SEPTIN7: variants seen among roughly 807,000 people sequenced by gnomAD.
The protein encoded by SEPTIN7 is septin 7, also known as septin-7.
A neutral mutation model predicts 63.3 loss-of-function variants in SEPTIN7; 10 were observed. The observed-to-expected ratio is 0.16, with a 90% confidence interval of 0.10 to 0.27. The LOEUF (loss-of-function observed/expected upper bound fraction) is 0.27. SEPTIN7 is among the 10% of genes least tolerant of loss of function. The pLI, the probability that SEPTIN7 is intolerant of heterozygous loss-of-function variation, is 1.00. For missense variants in SEPTIN7, 310 were observed against 521.0 expected (o/e 0.59, Z 3.94); for synonymous variants, 131 against 165.3 (o/e 0.79, Z 1.59).
At chr7:35,805,483 C>CT (rs1167004381) in intron 1 of SEPTIN7, among the ~76,000 whole-genome samples, 2 of 152,178 alleles carry the variant, frequency 1.3e-5, no homozygotes, top group Non-Finnish European at 2.9e-5. Flanking sequence ...TTGTGTTTCT[C>CT]TGACATAAAC....
intron 1 of SEPTIN7, chr7:35,802,165 T>C: frequency 4.6e-6 from 1 of 217,828 alleles, no homozygotes; most frequent in Non-Finnish European, 1.0e-5. Context: ...TTCTCAGTTA[T>C]TCTCTTAACG....
intron 1 of SEPTIN7, among the ~76,000 whole-genome samples, chr7:35,823,896 G>T (rs1403128905): frequency 6.6e-6 from 1 of 151,230 alleles, no homozygotes; most frequent in South Asian, 2.1e-4. Flanking sequence ...TTTTATATCT[G>T]GTACTTAGGG....
intron 1 of SEPTIN7, among the ~76,000 whole-genome samples, chr7:35,826,718 A>AT (rs1208829382): frequency 1.3e-5 from 2 of 152,066 alleles, no homozygotes; most frequent in African/African-American, 4.8e-5. Flanking sequence ...CCCTTGATCA[A>AT]TTTTTTGTTA....
rs767703477 is a variant in SEPTIN7, at chr7:35,879,945, GC to G, written c.630+6del. The stretch of plus-strand genomic sequence containing the variant: ...TGCCAACAGTTTAAAAAACAGGTGA[GC>G]AGGATGTGTTAACCCAGGTTTCTTA... On this transcript the variant is annotated splice_donor_region_variant and intron_variant, in intron 7 of 13. Coordinates refer to ENST00000350320, the MANE Select transcript of SEPTIN7 (RefSeq NM_001788.6). 2 of 1,516,208 alleles carry G rather than the reference GC, an allele frequency of 1.3e-6. No individual in the cohort carries two copies. Among genetic ancestry groups the G allele is most frequent in the East Asian group, 2.3e-5 (1 of 43,172 alleles). 93.9% of individuals were successfully genotyped at this position (1,516,208 alleles called of 1,614,324 possible). A position where few individuals can be genotyped will look rare whatever the true frequency, so the allele number is the denominator to read the frequency against.
intron 4 of SEPTIN7, among the ~76,000 whole-genome samples, chr7:35,866,503 A>G (rs1785813897): frequency 6.6e-6 from 1 of 152,214 alleles, no homozygotes; most frequent in South Asian, 2.1e-4. Flanking sequence ...ACTGTCTCCT[A>G]TTATGTGGCT....
At chr7:35,880,134 A>G (rs1786740837) in intron 7 of SEPTIN7, among the ~76,000 whole-genome samples, 194 bp downstream of exon 7, 1 of 151,206 alleles carries the variant, frequency 6.6e-6, no homozygotes, top group African/African-American at 2.4e-5. Flanking sequence ...GTGTTCTGTA[A>G]TAACACCCCC....
At chr7:35,879,269 C>T (rs1201395204) in intron 6 of SEPTIN7, among the ~76,000 whole-genome samples, 1 of 151,946 alleles carries the variant, frequency 6.6e-6, no homozygotes, top group Non-Finnish European at 1.5e-5. Flanking sequence ...TACCATTTTT[C>T]ATTTTTAAAA....
intron 8 of SEPTIN7, among the ~76,000 whole-genome samples, chr7:35,883,270 A>G (rs1327223767): frequency 6.6e-6 from 1 of 152,134 alleles, no homozygotes; most frequent in Non-Finnish European, 1.5e-5. Context: ...TTTGGCCCTA[A>G]AAATGGTATA....
intron 1 of SEPTIN7, among the ~76,000 whole-genome samples, chr7:35,810,524 C>A (rs958016374): frequency 3.3e-5 from 5 of 151,852 alleles, no homozygotes; most frequent in African/African-American, 1.2e-4. Flanking sequence ...TGGGTTTCAC[C>A]GTGTTAGCCA....
At chr7:35,841,366 G>C (rs1389635117) in intron 3 of SEPTIN7, among the ~76,000 whole-genome samples, 1 of 152,156 alleles carries the variant, frequency 6.6e-6, no homozygotes, top group Non-Finnish European at 1.5e-5. Flanking sequence ...ATATAAGCAA[G>C]TCATTGAATT....
At chr7:35,844,888 A>G (rs1477651410) in intron 3 of SEPTIN7, among the ~76,000 whole-genome samples, 7 of 152,082 alleles carry the variant, frequency 4.6e-5, no homozygotes, top group Non-Finnish European at 7.4e-5. Flanking sequence ...ATTGCTCCAA[A>G]CCTTACCTTG....
At chr7:35,881,014 G>A (rs1786842488) in intron 7 of SEPTIN7, among the ~76,000 whole-genome samples, 2 of 151,958 alleles carry the variant, frequency 1.3e-5, no homozygotes, top group African/African-American at 4.8e-5. Flanking sequence ...AAAGTAGATT[G>A]TAATTATCTC....
chr7:35,877,617 G>A (rs1583607743), intron 6 of SEPTIN7, among the ~76,000 whole-genome samples: 1 of 152,122 alleles, frequency 6.6e-6, no homozygotes, highest in Admixed American at 6.6e-5. Context: ...AATATTTCTA[G>A]TATCTTCATT....
chr7:35,821,420 C>T lies in SEPTIN7; in HGVS notation c.62-10072C>T, dbSNP rs537870386. ...GTCAATATATCATTATCTGTCCATG[C>T]ATATTTTTCTAAAACCTTACTTTTA... is the stretch of plus-strand genomic sequence containing the variant. On this transcript the variant is annotated intron_variant, in intron 1 of 13. Transcript: ENST00000350320. 4.2e-4 allele frequency among the ~76,000 whole-genome samples: 64 copies of T among 152,288 alleles called. 1 individual carries two copies. Among genetic ancestry groups the T allele is most frequent in the African/African-American group, 1.5e-3 (63 of 41,568 alleles).
chr7:35,844,566 T>A (rs1467480114), intron 3 of SEPTIN7, among the ~76,000 whole-genome samples: 1 of 151,920 alleles, frequency 6.6e-6, no homozygotes, highest in African/African-American at 2.4e-5. Context: ...ACAGATCACT[T>A]TGAATCTCAC....
chr7:35,872,262 C>G (rs1786198356), intron 4 of SEPTIN7, among the ~76,000 whole-genome samples: 1 of 152,120 alleles, frequency 6.6e-6, no homozygotes, highest in Admixed American at 6.5e-5. Context: ...AGATGTTCTT[C>G]TCTGATTAAT....
At chr7:35,808,952 TGTTA>T (rs1343814171) in intron 1 of SEPTIN7, among the ~76,000 whole-genome samples, 1 of 152,204 alleles carries the variant, frequency 6.6e-6, no homozygotes, top group Admixed American at 6.5e-5. Context: ...ATACACTAAC[TGTTA>T]GTTTTTGAAC....
chr7:35,873,555 T>C (rs1786288424), intron 5 of SEPTIN7, 86 bp from the exon 6 acceptor site: 2 of 1,352,076 alleles, frequency 1.5e-6, no homozygotes, highest in African/African-American at 3.0e-5. Context: ...TTTGCCCATT[T>C]GAAAATACTG....
At position 35,801,166 on chromosome 7, in the gene SEPTIN7, G is replaced by C; in HGVS notation, c.-44G>C. On this transcript the variant is annotated 5_prime_UTR_variant, in exon 1 of 14. Transcript: ENST00000350320. ...CGGCGTAGGCGCCTTTGGAGAATCG[G>C]CGGGCTGCGCTCCGCTGGGGCTGGT... The C allele has an allele frequency of 3.4e-6, 5 of 1,453,784 alleles. No individual in the cohort carries two copies. Among genetic ancestry groups the C allele is most frequent in the South Asian group, 2.7e-5 (2 of 74,928 alleles). 90.1% of individuals were successfully genotyped at this position (1,453,784 alleles called of 1,614,324 possible). A position where few individuals can be genotyped will look rare whatever the true frequency, so the allele number is the denominator to read the frequency against.
Sources: allele counts gnomAD v4.1 joint callset (sites outside exome capture counted in the v4.1 genomes callset), GRCh38; gene constraint gnomAD v4.1.1; transcripts MANE v1.5; gene names NCBI Gene and HGNC (gene_info 2026-07-23, HGNC 2026-07-21).